PNPT1: variants seen among roughly 807,000 people sequenced by gnomAD.
PNPT1 encodes the protein polyribonucleotide nucleotidyltransferase 1.
A neutral mutation model predicts 119.5 loss-of-function variants in PNPT1; 53 were observed. That is an observed-to-expected ratio of 0.44 (90% confidence interval 0.36 to 0.56). PNPT1 has a LOEUF of 0.56. PNPT1 is among the 20% of genes least tolerant of loss of function. The probability of loss-of-function intolerance (pLI) is 0.00; values close to 1 mark genes in which losing one functional copy is unlikely to be tolerated. For missense variants in PNPT1, 948 were observed against 938.5 expected (o/e 1.01, Z -0.13); for synonymous variants, 357 against 322.1 (o/e 1.11, Z -1.16).
At chr2:55,684,190 A>G (rs1697328050) in intron 4 of PNPT1, among the ~76,000 whole-genome samples, 1 of 152,222 alleles carries the variant, frequency 6.6e-6, no homozygotes, top group Admixed American at 6.5e-5. Context: ...GTATATAAAT[A>G]TACATAAAAT....
chr2:55,638,013 A>AC (rs1695726579), intron 26 of PNPT1, among the ~76,000 whole-genome samples: 1 of 151,496 alleles, frequency 6.6e-6, no homozygotes, highest in Admixed American at 6.6e-5. Flanking sequence ...AAAAAAAAAA[A>AC]AAAATCAGCT....
intron 15 of PNPT1, among the ~76,000 whole-genome samples, chr2:55,658,626 C>T (rs1248266012): frequency 6.6e-6 from 1 of 152,158 alleles, no homozygotes; most frequent in East Asian, 1.9e-4. Flanking sequence ...CAATAATCAG[C>T]TAGACCTCCA....
chr2:55,656,110 A>G (rs1398863796), intron 17 of PNPT1, 21 bp downstream of exon 17: 1 of 1,599,344 alleles, frequency 6.3e-7, no homozygotes, highest in Non-Finnish European at 8.5e-7. Flanking sequence ...CTACTATGAA[A>G]GAAGTATTTC....
Position 55,667,854 on chromosome 2 carries a change from A to G in PNPT1, c.1073+8T>C. The G allele has an allele frequency of 6.3e-7, 1 of 1,597,948 alleles. No individual in the cohort carries two copies. The highest frequency in any genetic ancestry group is 8.5e-7 in the Non-Finnish European group (1 of 1,175,386). On this transcript the variant is annotated splice_region_variant and intron_variant, in intron 12 of 27. Transcript: ENST00000447944. The stretch of plus-strand genomic sequence containing the variant: ...TACTTCAATTTCAACAAAAAAGGGT[A>G]TGTTTACCTTTTGTATTCATTCAAA...
intron 9 of PNPT1, 37 bp downstream of exon 9, chr2:55,672,856 G>T: frequency 6.5e-7 from 1 of 1,532,652 alleles, no homozygotes; most frequent in South Asian, 1.3e-5. Flanking sequence ...TAAATCTGAT[G>T]ACAATTTCAT....
intron 1 of PNPT1, 78 bp from the exon 2 acceptor site, chr2:55,687,783 A>G (rs1219590962): frequency 1.7e-6 from 2 of 1,158,882 alleles, no homozygotes; most frequent in Non-Finnish European, 2.4e-6. Flanking sequence ...ATAATAAAAG[A>G]TTCTAAGGGA....
intron 23 of PNPT1, among the ~76,000 whole-genome samples, chr2:55,643,964 A>C (rs1695913687): frequency 6.6e-6 from 1 of 152,186 alleles, no homozygotes; most frequent in Non-Finnish European, 1.5e-5. Context: ...AATATGCTTG[A>C]TTTCTTGAAA....
chr2:55,645,457 A>G lies in PNPT1; in HGVS notation c.1739-25T>C, dbSNP rs747589339. The G allele has an allele frequency of 1.3e-5, 19 of 1,440,284 alleles. 1 individual carries two copies. Among genetic ancestry groups the G allele is most frequent in the South Asian group, 1.3e-4 (11 of 86,916 alleles). The allele number at this position is 1,440,284 out of a possible 1,614,324, so 89.2% of individuals were successfully genotyped here. A position where few individuals can be genotyped will look rare whatever the true frequency, so the allele number is the denominator to read the frequency against. ...ACTAGAAGAGAAAAACACAAAAATT[A>G]TAACTACATAAAACAAATATGATCT... On this transcript the variant is annotated intron_variant, in intron 21 of 27. Coordinates refer to ENST00000447944, the MANE Select transcript of PNPT1 (RefSeq NM_033109.5).
chr2:55,661,569 G>A (rs893301663), intron 14 of PNPT1, among the ~76,000 whole-genome samples: 1 of 152,112 alleles, frequency 6.6e-6, no homozygotes, highest in Non-Finnish European at 1.5e-5. Flanking sequence ...TTTCATTAAC[G>A]AGGTTTTTCA....
intron 18 of PNPT1, among the ~76,000 whole-genome samples, chr2:55,650,313 T>C (rs1696134495): frequency 6.6e-6 from 1 of 152,192 alleles, no homozygotes; most frequent in South Asian, 2.1e-4. Context: ...TGACTGGTTT[T>C]CGTATTTTTT....
At chr2:55,643,109 G>C in intron 25 of PNPT1, 49 bp downstream of exon 25, 4 of 1,591,430 alleles carry the variant, frequency 2.5e-6, no homozygotes, top group Non-Finnish European at 3.4e-6. Flanking sequence ...GTGAGACCCT[G>C]TCTCTAAAGA....
intron 1 of PNPT1, among the ~76,000 whole-genome samples, chr2:55,688,640 G>C (rs1420187985): frequency 2.0e-5 from 3 of 152,060 alleles, no homozygotes. Flanking sequence ...CAAGAGAACT[G>C]CTTGAACCCA....
rs1186819448 is a variant in PNPT1 at position 55,635,351 on chromosome 2, G to A, written c.*886C>T. The A allele has an allele frequency of 1.4e-5, 2 of 143,382 alleles. No individual in the cohort carries two copies. Among genetic ancestry groups the A allele is most frequent in the Non-Finnish European group, 3.0e-5 (2 of 66,424 alleles). 8.9% of individuals were successfully genotyped at this position (143,382 alleles called of 1,614,324 possible). On this transcript the variant is annotated 3_prime_UTR_variant, in exon 28 of 28. Transcript: ENST00000447944. ...TTTTTTGAGACGGAGTTTTGCTCTT[G>A]TTGCCTGAGCTGGAGTGCAATGGCG...
At position 55,650,709 on chromosome 2, in the gene PNPT1, C is replaced by G. The variant is rs1017188761; in HGVS notation, c.1496-3256G>C. ...GTCCGGGATGTGAGGAGCGTCTCTG[C>G]CCGGCCGCCCCGTCTGAGAAGTGAG... On this transcript the variant is annotated intron_variant, in intron 18 of 27. Coordinates refer to ENST00000447944, the MANE Select transcript of PNPT1 (RefSeq NM_033109.5). Among the ~76,000 whole-genome samples the G allele has an allele frequency of 3.3e-5, 5 of 151,220 alleles. No individual in the cohort carries two copies. The East Asian group carries it at 6.0e-4, about 18-fold the overall frequency.
At chr2:55,650,896 G>C (rs1343026506) in intron 18 of PNPT1, among the ~76,000 whole-genome samples, 2 of 148,664 alleles carry the variant, frequency 1.3e-5, no homozygotes, top group Admixed American at 6.7e-5. Context: ...GCAGGGAGGT[G>C]GGGGGGTCAG....
chr2:55,683,864 C>A (rs373515322), intron 4 of PNPT1, 30 bp from the exon 5 acceptor site: 1 of 1,606,342 alleles, frequency 6.2e-7, no homozygotes, highest in African/African-American at 1.3e-5. Flanking sequence ...CACATTAAAC[C>A]GTACTGACAG....
chr2:55,635,420 T>C lies in PNPT1; in HGVS notation c.*817A>G, dbSNP rs945768112. The stretch of plus-strand genomic sequence containing the variant: ...ACCTCCACCTCCTGGGTTGAAGTGA[T>C]TCTTCTGCCTCAGCCTCCTGAGTAG... On this transcript the variant is annotated 3_prime_UTR_variant, in exon 28 of 28. Transcript: ENST00000447944. The C allele has an allele frequency of 5.3e-5, 8 of 152,082 alleles. No individual in the cohort carries two copies. Among genetic ancestry groups the C allele is most frequent in the African/African-American group, 1.9e-4 (8 of 41,386 alleles). The allele number at this position is 152,082 out of a possible 1,614,324, so 9.4% of individuals were successfully genotyped here. A position where few individuals can be genotyped will look rare whatever the true frequency, so the allele number is the denominator to read the frequency against.
intron 11 of PNPT1, among the ~76,000 whole-genome samples, chr2:55,670,128 T>A (rs943222306): frequency 2.0e-5 from 3 of 152,042 alleles, no homozygotes; most frequent in Non-Finnish European, 4.4e-5. Context: ...ACAAAAACTA[T>A]GTCATACTTC....
At chr2:55,653,240 T>C (rs770380427) in intron 18 of PNPT1, among the ~76,000 whole-genome samples, 1 of 152,232 alleles carries the variant, frequency 6.6e-6, no homozygotes, top group Non-Finnish European at 1.5e-5. Flanking sequence ...GGTTATACTT[T>C]ATAGAAAATA....
Sources: allele counts gnomAD v4.1 joint callset (sites outside exome capture counted in the v4.1 genomes callset), GRCh38; gene constraint gnomAD v4.1.1; transcripts MANE v1.5; gene names NCBI Gene and HGNC (gene_info 2026-07-23, HGNC 2026-07-21).